CMTM8: variants seen among roughly 807,000 people sequenced by gnomAD.
CMTM8 encodes the protein CKLF-like MARVEL transmembrane domain-containing protein 8.
A neutral mutation model predicts 18.6 loss-of-function variants in CMTM8; 12 were observed. That is an observed-to-expected ratio of 0.65 (90% CI 0.41 to 1.05). The LOEUF (loss-of-function observed/expected upper bound fraction) is 1.05, where lower values mean the gene tolerates loss of function less well. Among genes scored for constraint, CMTM8 ranks in the 50% least tolerant of loss-of-function variants. The pLI, the probability that CMTM8 is intolerant of heterozygous loss-of-function variation, is 0.00. For missense variants in CMTM8, 217 were observed against 227.2 expected (o/e 0.95, Z 0.29); for synonymous variants, 87 against 90.6 (o/e 0.96, Z 0.23).
chr3:32,239,218 C>T, intron 1 of CMTM8, 99 bp downstream of exon 1: 2 of 1,379,636 alleles, frequency 1.4e-6, no homozygotes, highest in East Asian at 2.7e-5. Flanking sequence ...GATCTTCCCG[C>T]GGGCTTTAGG....
intron 1 of CMTM8, among the ~76,000 whole-genome samples, chr3:32,261,412 A>C (rs1450651571): frequency 6.6e-6 from 1 of 152,196 alleles, no homozygotes. Context: ...ATATTAAATT[A>C]TAGTAGGAAA....
At chr3:32,352,609 C>T (rs1696732214) in intron 1 of CMTM8, among the ~76,000 whole-genome samples, 1 of 152,154 alleles carries the variant, frequency 6.6e-6, no homozygotes, top group Non-Finnish European at 1.5e-5. Context: ...AGACTGAATA[C>T]TACAGGGTCC....
chr3:32,259,708 C>T (rs1324107112), intron 1 of CMTM8: 52 of 1,102,576 alleles, frequency 4.7e-5, no homozygotes, highest in East Asian at 3.0e-4. Context: ...CCCAATATGA[C>T]GAGCTGGCTC....
chr3:32,328,066 C>A (rs1003576196), intron 1 of CMTM8, among the ~76,000 whole-genome samples: 2 of 151,906 alleles, frequency 1.3e-5, no homozygotes, highest in Non-Finnish European at 2.9e-5. Flanking sequence ...TAAAAATTAG[C>A]CTCATTTCTA....
chr3:32,349,630 T>C (rs575720125), intron 1 of CMTM8, among the ~76,000 whole-genome samples: 2 of 152,252 alleles, frequency 1.3e-5, no homozygotes, highest in South Asian at 4.1e-4. Flanking sequence ...GCACAGCTGC[T>C]GGCATCAAGT....
intron 1 of CMTM8, among the ~76,000 whole-genome samples, chr3:32,284,020 G>T (rs1167277124): frequency 6.6e-6 from 1 of 152,252 alleles, no homozygotes; most frequent in Non-Finnish European, 1.5e-5. Context: ...GGGGAGCCGA[G>T]GTGGGCGGAT....
rs117594302 is a variant in CMTM8 at position 32,320,325 on chromosome 3, C to T, written c.148-37048C>T. Reference sequence around the variant, plus strand: ...AAGATCGAAGCACTGTTACATGCCACAACGAGGAGGAACCTTGACAACTTT... The same window carrying T: ...AAGATCGAAGCACTGTTACATGCCATAACGAGGAGGAACCTTGACAACTTT... On this transcript the variant is annotated intron_variant, in intron 1 of 3. Transcript: ENST00000307526. Among the ~76,000 whole-genome samples the T allele has an allele frequency of 2.3e-4, 35 of 152,260 alleles. No homozygotes were observed. In the East Asian group the frequency reaches 6.2e-3, roughly 27 times the overall value.
At chr3:32,282,476 GA>G (rs1320547810) in intron 1 of CMTM8, among the ~76,000 whole-genome samples, 3 of 151,580 alleles carry the variant, frequency 2.0e-5, no homozygotes, top group Non-Finnish European at 2.9e-5. Context: ...GGCGATATTA[GA>G]AAAAAATTAA....
Position 32,238,849 on chromosome 3 carries a change from C to T in CMTM8, c.-124C>T. On this transcript the variant is annotated 5_prime_UTR_variant, in exon 1 of 4. Transcript: ENST00000307526. ...CCCCCGGCGGGCGCCCCCCTCGCACCTCCTGCCCCGCGCGGGCCGCGCTCC... is the reference window on the plus strand; with the variant it reads ...CCCCCGGCGGGCGCCCCCCTCGCACTTCCTGCCCCGCGCGGGCCGCGCTCC... 2.2e-6 allele frequency: 2 copies of T among 893,080 alleles called. No homozygotes were observed. Among genetic ancestry groups the T allele is most frequent in the Non-Finnish European group, 3.0e-6 (2 of 668,144 alleles). The allele number at this position is 893,080 out of a possible 1,614,324, so 55.3% of individuals were successfully genotyped here. A position where few individuals can be genotyped will look rare whatever the true frequency, so the allele number is the denominator to read the frequency against.
intron 1 of CMTM8, among the ~76,000 whole-genome samples, chr3:32,311,884 G>A (rs1007383034): frequency 3.9e-5 from 6 of 152,200 alleles, no homozygotes; most frequent in Non-Finnish European, 8.8e-5. Context: ...AATTAACACA[G>A]GTAGAGAATT....
intron 1 of CMTM8, among the ~76,000 whole-genome samples, chr3:32,337,537 T>C (rs1270272778): frequency 6.6e-6 from 1 of 152,216 alleles, no homozygotes; most frequent in Non-Finnish European, 1.5e-5. Context: ...TTTGTGTTCT[T>C]TGTGAGTCCT....
At chr3:32,305,747 G>T (rs1695704200) in intron 1 of CMTM8, among the ~76,000 whole-genome samples, 1 of 152,186 alleles carries the variant, frequency 6.6e-6, no homozygotes, top group Non-Finnish European at 1.5e-5. Flanking sequence ...TTCCATGGAG[G>T]CCTCTTATTG....
At chr3:32,311,247 G>A (rs757061623) in intron 1 of CMTM8, among the ~76,000 whole-genome samples, 6 of 152,226 alleles carry the variant, frequency 3.9e-5, no homozygotes, top group African/African-American at 7.2e-5. Context: ...TTTGCAGTTT[G>A]TAAAAAATTA....
chr3:32,251,760 T>C (rs1394110424), intron 1 of CMTM8, among the ~76,000 whole-genome samples: 1 of 152,060 alleles, frequency 6.6e-6, no homozygotes, highest in Non-Finnish European at 1.5e-5. Context: ...ACACAAATAT[T>C]TGAAGAAAAT....
At chr3:32,263,004 A>G (rs1293754346) in intron 1 of CMTM8, among the ~76,000 whole-genome samples, 1 of 152,260 alleles carries the variant, frequency 6.6e-6, no homozygotes, top group Non-Finnish European at 1.5e-5. Flanking sequence ...GGGCAGTTCC[A>G]AAATAGCCGA....
chr3:32,366,642 C>T (rs1488205756), intron 2 of CMTM8, among the ~76,000 whole-genome samples: 1 of 152,174 alleles, frequency 6.6e-6, no homozygotes, highest in Non-Finnish European at 1.5e-5. Flanking sequence ...GTATTAGTGG[C>T]AAGACAAGAC....
intron 2 of CMTM8, among the ~76,000 whole-genome samples, chr3:32,363,546 A>G (rs1463799995): frequency 1.3e-5 from 2 of 152,226 alleles, no homozygotes; most frequent in East Asian, 1.9e-4. Flanking sequence ...CCGTTACCAT[A>G]TAATAAGAGA....
intron 2 of CMTM8, among the ~76,000 whole-genome samples, chr3:32,366,499 T>C (rs1697039561): frequency 6.6e-6 from 1 of 152,216 alleles, no homozygotes; most frequent in South Asian, 2.1e-4. Flanking sequence ...ATTCTTTCCT[T>C]GTATAAAGAA....
intron 1 of CMTM8, among the ~76,000 whole-genome samples, chr3:32,331,321 A>G (rs1172510690): frequency 6.6e-6 from 1 of 152,204 alleles, no homozygotes; most frequent in Non-Finnish European, 1.5e-5. Flanking sequence ...AATAACAAGT[A>G]TTGACAAGAA....
Sources: gnomAD v4.1 joint callset for allele counts (sites outside exome capture counted in the v4.1 genomes callset) on GRCh38, gnomAD v4.1.1 for gene constraint, MANE v1.5 for transcripts, NCBI Gene and HGNC (gene_info 2026-07-23, HGNC 2026-07-21) for gene names.